FHL2: variants seen among roughly 807,000 people sequenced by gnomAD.
FHL2 encodes four and a half LIM domains 2.
FHL2 carries 20 observed loss-of-function variants against 32.7 expected under a neutral mutation model. The ratio of observed to expected loss-of-function variants is 0.61; its 90% CI spans 0.43 to 0.89. The LOEUF (loss-of-function observed/expected upper bound fraction) is 0.89. FHL2 is among the 40% of genes least tolerant of loss of function. The pLI is 0.00. For missense variants in FHL2, 311 were observed against 358.6 expected, an observed-to-expected ratio of 0.87 and a Z score of 1.07; for synonymous variants, 123 against 128.1, an observed-to-expected ratio of 0.96 and a Z score of 0.27.
At position 105,378,496 on chromosome 2, in the gene FHL2, G is replaced by T. The variant is rs199944884; in HGVS notation, c.157-4763C>A. On this transcript the variant is annotated intron_variant, in intron 3 of 6. Transcript: ENST00000530340. ...CTTTCCCTTCAGGCTGGTGTAGAGT[G>T]GACACCTGAAAGTGCTCCCCATCCC... 12 of 215,856 alleles carry T rather than the reference G, an allele frequency of 5.6e-5. No individual in the cohort carries two copies. In the East Asian group the frequency reaches 1.6e-3, roughly 29 times the overall value. The allele number at this position is 215,856 out of a possible 1,614,324, so 13.4% of individuals were successfully genotyped here.
At chr2:105,399,338 C>T (rs1435489252), upstream of FHL2, 3 of 1,535,848 alleles carry the variant, frequency 2.0e-6, no homozygotes, top group Non-Finnish European at 2.6e-6. Flanking sequence ...GAGGCCTGGG[C>T]GCGGTGGCAG....
intron 1 of FHL2, among the ~76,000 whole-genome samples, chr2:105,424,969 A>G (rs1363405055): frequency 6.6e-6 from 1 of 152,042 alleles, no homozygotes; most frequent in African/African-American, 2.4e-5. Flanking sequence ...ATGTGTACCT[A>G]TGTAACAAAC....
intron 1 of FHL2, among the ~76,000 whole-genome samples, chr2:105,430,024 G>A (rs891219876): frequency 3.3e-5 from 5 of 152,182 alleles, no homozygotes; most frequent in Admixed American, 1.3e-4. Flanking sequence ...AGTGTGAACA[G>A]CAGAACTAGG....
At chr2:105,389,648 G>C (rs1297949680) in intron 2 of FHL2, among the ~76,000 whole-genome samples, 1 of 152,132 alleles carries the variant, frequency 6.6e-6, no homozygotes, top group African/African-American at 2.4e-5. Context: ...TGAAAAAGAG[G>C]GTCCACTGAG....
intron 1 of FHL2, among the ~76,000 whole-genome samples, chr2:105,425,409 A>G (rs942613696): frequency 1.3e-5 from 2 of 152,132 alleles, no homozygotes; most frequent in African/African-American, 2.4e-5. Context: ...GTTTCTCCCC[A>G]TGTGATAGTC....
intron 2 of FHL2, among the ~76,000 whole-genome samples, chr2:105,395,184 T>G (rs1157732708): frequency 6.6e-6 from 1 of 152,234 alleles, no homozygotes; most frequent in Non-Finnish European, 1.5e-5. Context: ...AGATCCCATC[T>G]TGTCATTTAA....
intron 1 of FHL2, among the ~76,000 whole-genome samples, chr2:105,432,051 T>C (rs1258324503): frequency 6.6e-6 from 1 of 152,224 alleles, no homozygotes; most frequent in Non-Finnish European, 1.5e-5. Context: ...GTTTCCAAAC[T>C]GTCTGACTTG....
chr2:105,407,018 C>A (rs927520889), intron 1 of FHL2, among the ~76,000 whole-genome samples: 10 of 152,210 alleles, frequency 6.6e-5, no homozygotes, highest in African/African-American at 2.4e-4. Flanking sequence ...TCCTTAGGGG[C>A]AAGAACTGAG....
upstream of FHL2, among the ~76,000 whole-genome samples, chr2:105,404,073 C>G (rs191582002): frequency 1.1e-4 from 17 of 152,288 alleles, no homozygotes; most frequent in East Asian, 2.7e-3. Flanking sequence ...CGGATGGGGG[C>G]TACCCCAGGG....
chr2:105,361,479 C>G (rs1351932291), intron 6 of FHL2, 45 bp from the exon 7 acceptor site: 1 of 1,569,316 alleles, frequency 6.4e-7, no homozygotes. Context: ...AAGTTAGAAT[C>G]AGGCAACTGG....
chr2:105,381,650 G>A (rs929588230), intron 3 of FHL2, among the ~76,000 whole-genome samples: 6 of 152,102 alleles, frequency 3.9e-5, no homozygotes, highest in Admixed American at 2.0e-4. Context: ...CTGATCCTAG[G>A]ACCCTGCTTG....
chr2:105,429,951 G>T (rs915613562), intron 1 of FHL2, among the ~76,000 whole-genome samples: 3 of 152,170 alleles, frequency 2.0e-5, no homozygotes, highest in African/African-American at 7.2e-5. Flanking sequence ...GACCGACAAG[G>T]TTACTGTTAT....
At chr2:105,372,728 G>T (rs1681172411) in intron 4 of FHL2, among the ~76,000 whole-genome samples, 1 of 151,970 alleles carries the variant, frequency 6.6e-6, no homozygotes, top group Non-Finnish European at 1.5e-5. Flanking sequence ...GGCAGAGGTT[G>T]CAGTGAGTCA....
chr2:105,436,342 A>G (rs768954987), intron 1 of FHL2, among the ~76,000 whole-genome samples: 3 of 152,186 alleles, frequency 2.0e-5, no homozygotes, highest in Non-Finnish European at 2.9e-5. Context: ...CTGATGTTAT[A>G]TTGCTATATT....
intron 1 of FHL2, among the ~76,000 whole-genome samples, chr2:105,427,828 G>A (rs1034527944): frequency 2.6e-5 from 4 of 152,134 alleles, no homozygotes; most frequent in Admixed American, 6.5e-5. Flanking sequence ...ACAGGGCCCC[G>A]AGAACCAGCA....
rs145818303 is a variant in FHL2, at chr2:105,381,207, G to A, written c.156+5154C>T. 5.9e-5 allele frequency among the ~76,000 whole-genome samples: 9 copies of A among 152,276 alleles called. No homozygotes were observed. In the East Asian group the frequency reaches 1.7e-3, roughly 29 times the overall value. On this transcript the variant is annotated intron_variant, in intron 3 of 6. Coordinates refer to ENST00000530340, the MANE Select transcript of FHL2 (RefSeq NM_001318895.3). ...GATTCTCATGTCATTCATGCTCAGCGTTATGAAAAGATATTTTCTGCTTGA... is the reference window on the plus strand; with the variant it reads ...GATTCTCATGTCATTCATGCTCAGCATTATGAAAAGATATTTTCTGCTTGA...
At chr2:105,378,227 G>T in intron 3 of FHL2, 1 of 469,134 alleles carries the variant, frequency 2.1e-6, no homozygotes, top group Non-Finnish European at 4.4e-6. Context: ...AATAGCTACA[G>T]TTTAAGACTG....
At chr2:105,365,930 C>A (rs910003539) in intron 5 of FHL2, among the ~76,000 whole-genome samples, 71 of 152,176 alleles carry the variant, frequency 4.7e-4, no homozygotes, top group African/African-American at 1.7e-3. Flanking sequence ...TGGGGCCAGG[C>A]ATGGTGGCTC....
intron 2 of FHL2, among the ~76,000 whole-genome samples, chr2:105,386,756 C>CTTTTTTTTTTTTTTTTTTTT (rs11380471): frequency 2.0e-5 from 1 of 48,924 alleles, no homozygotes; most frequent in Non-Finnish European, 3.6e-5. Flanking sequence ...ATGCATTCCA[C>CTTTTTTTTTTTTTTTTTTTT]TTTTTTTTTT....
Sources: allele counts gnomAD v4.1 joint callset (sites outside exome capture counted in the v4.1 genomes callset), GRCh38; gene constraint gnomAD v4.1.1; transcripts MANE v1.5; gene names NCBI Gene and HGNC (gene_info 2026-07-23, HGNC 2026-07-21).